The following KCTD16 variants were observed in gnomAD, a reference collection of about 807,000 sequenced individuals.
KCTD16 encodes the protein potassium channel tetramerization domain containing 16.
KCTD16 carries 13 observed loss-of-function variants against 33.2 expected under a neutral mutation model. The ratio of observed to expected loss-of-function variants is 0.39; its 90% CI spans 0.25 to 0.62. The LOEUF (loss-of-function observed/expected upper bound fraction) is 0.62, where lower values mean the gene tolerates loss of function less well. Among genes scored for constraint, KCTD16 ranks in the 20% least tolerant of loss-of-function variants. The probability of loss-of-function intolerance (pLI) is 0.50; values close to 1 mark genes in which losing one functional copy is unlikely to be tolerated. For synonymous variants in KCTD16, 197 were observed against 195.3 expected (o/e 1.01, Z -0.07); for missense variants, 441 against 525.1 (o/e 0.84, Z 1.57).
At chr5:144,371,917 T>G (rs1751975546) in intron 3 of KCTD16, among the ~76,000 whole-genome samples, 1 of 152,112 alleles carries the variant, frequency 6.6e-6, no homozygotes, top group African/African-American at 2.4e-5. Context: ...TAGCTGTCAG[T>G]GGGTTCTCAA....
rs998644720 is a variant in KCTD16 at position 144,360,769 on chromosome 5, A to G, written c.833-112891A>G. ...TTATGGCTGCATAGTATTCCATGGT[A>G]TATATGTGCCACATTTTTTTATTCA... On this transcript the variant is annotated intron_variant, in intron 3 of 3. Transcript: ENST00000512467. Among the ~76,000 whole-genome samples, 4 of 152,132 alleles carry G rather than the reference A, an allele frequency of 2.6e-5. No individual in the cohort carries two copies. The East Asian group carries it at 7.7e-4, about 29-fold the overall frequency.
At chr5:144,414,294 T>C (rs1279964780) in intron 3 of KCTD16, among the ~76,000 whole-genome samples, 1 of 152,164 alleles carries the variant, frequency 6.6e-6, no homozygotes. Context: ...ATTAATAGTA[T>C]AAAAAGTGCT....
At chr5:144,365,095 T>A (rs1179394849) in intron 3 of KCTD16, among the ~76,000 whole-genome samples, 1 of 152,006 alleles carries the variant, frequency 6.6e-6, no homozygotes, top group Non-Finnish European at 1.5e-5. Context: ...AGCAGAGAAG[T>A]GAGCTTATCT....
At chr5:144,210,924 T>C (rs547612108) in intron 3 of KCTD16, among the ~76,000 whole-genome samples, 4 of 152,296 alleles carry the variant, frequency 2.6e-5, no homozygotes, top group East Asian at 1.9e-4. Flanking sequence ...GGTTAATTCA[T>C]AGGACACTTA....
At chr5:144,180,524 CAAT>C (rs1280012839) in intron 2 of KCTD16, among the ~76,000 whole-genome samples, 1 of 152,110 alleles carries the variant, frequency 6.6e-6, no homozygotes, top group Non-Finnish European at 1.5e-5. Context: ...AAAACCATAA[CAAT>C]AACATTTTAT....
At chr5:144,184,410 C>T (rs1427032597) in intron 2 of KCTD16, among the ~76,000 whole-genome samples, 1 of 152,094 alleles carries the variant, frequency 6.6e-6, no homozygotes, top group African/African-American at 2.4e-5. Context: ...ATCTGTTTAT[C>T]ACTGATGGAC....
chr5:144,401,958 C>A (rs2126946907), intron 3 of KCTD16, among the ~76,000 whole-genome samples: 1 of 152,272 alleles, frequency 6.6e-6, no homozygotes, highest in South Asian at 2.1e-4. Flanking sequence ...TTGTGGAGCA[C>A]TTACATCCAA....
chr5:144,323,403 G>A (rs1282952215), intron 3 of KCTD16, among the ~76,000 whole-genome samples: 1 of 152,138 alleles, frequency 6.6e-6, no homozygotes, highest in Non-Finnish European at 1.5e-5. Flanking sequence ...GAGACAATTG[G>A]TAGGAAGCCA....
intron 3 of KCTD16, among the ~76,000 whole-genome samples, chr5:144,463,566 C>T (rs1225026620): frequency 6.6e-6 from 1 of 152,158 alleles, no homozygotes; most frequent in Non-Finnish European, 1.5e-5. Flanking sequence ...AGAGCTCATT[C>T]CTGTTTCTTT....
intron 3 of KCTD16, among the ~76,000 whole-genome samples, chr5:144,369,020 A>T (rs1751902212): frequency 6.6e-6 from 1 of 152,240 alleles, no homozygotes; most frequent in Non-Finnish European, 1.5e-5. Context: ...GGACTGCCTC[A>T]TCATCCTGGT....
chr5:144,248,873 C>G (rs1280717375), intron 3 of KCTD16, among the ~76,000 whole-genome samples: 1 of 152,102 alleles, frequency 6.6e-6, no homozygotes, highest in Non-Finnish European at 1.5e-5. Flanking sequence ...CTATTCGTTT[C>G]CACCATGGAA....
At chr5:144,315,962 A>G (rs1404353271) in intron 3 of KCTD16, among the ~76,000 whole-genome samples, 4 of 152,044 alleles carry the variant, frequency 2.6e-5, no homozygotes, top group Non-Finnish European at 4.4e-5. Flanking sequence ...CTGTAACTTT[A>G]TAGTGGGGTA....
At chr5:144,205,569 C>T (rs978477898) in intron 2 of KCTD16, 4 of 398,794 alleles carry the variant, frequency 1.0e-5, no homozygotes, top group African/African-American at 6.2e-5. Flanking sequence ...CTACCTGGGA[C>T]CCTAGCAGGG....
intron 3 of KCTD16, among the ~76,000 whole-genome samples, chr5:144,224,226 C>A (rs949188629): frequency 6.6e-6 from 1 of 151,802 alleles, no homozygotes; most frequent in Non-Finnish European, 1.5e-5. Context: ...TTTATAACAA[C>A]AAAAACAATT....
At chr5:144,197,018 G>T (rs1312169518) in intron 2 of KCTD16, among the ~76,000 whole-genome samples, 1 of 152,140 alleles carries the variant, frequency 6.6e-6, no homozygotes, top group Admixed American at 6.5e-5. Flanking sequence ...CTTGTGCCCG[G>T]TATGTGTGTC....
chr5:144,289,763 A>C (rs1230203584), intron 3 of KCTD16, among the ~76,000 whole-genome samples: 1 of 152,068 alleles, frequency 6.6e-6, no homozygotes, highest in Non-Finnish European at 1.5e-5. Context: ...TTAAGAACCC[A>C]ATTGGCTACT....
At chr5:144,189,375 A>G (rs1752792963) in intron 2 of KCTD16, among the ~76,000 whole-genome samples, 1 of 152,034 alleles carries the variant, frequency 6.6e-6, no homozygotes, top group Non-Finnish European at 1.5e-5. Context: ...GGGCGCCTGT[A>G]GTCCCAGCTG....
chr5:144,314,326 A>G (rs559331916), intron 3 of KCTD16, among the ~76,000 whole-genome samples: 1 of 152,266 alleles, frequency 6.6e-6, no homozygotes, highest in South Asian at 2.1e-4. Flanking sequence ...GCCACAGCAA[A>G]TTGAGATAAA....
chr5:144,371,945 C>T (rs1751976204), intron 3 of KCTD16, among the ~76,000 whole-genome samples: 1 of 152,024 alleles, frequency 6.6e-6, no homozygotes. Flanking sequence ...CTCTGTTTAA[C>T]CACACCCCTT....
Sources: gnomAD v4.1 joint callset for allele counts (sites outside exome capture counted in the v4.1 genomes callset) on GRCh38, gnomAD v4.1.1 for gene constraint, MANE v1.5 for transcripts, NCBI Gene and HGNC (gene_info 2026-07-23, HGNC 2026-07-21) for gene names.